The following DOK6 variants were observed in gnomAD, a reference collection of about 807,000 sequenced individuals.
The protein encoded by DOK6 is downstream of tyrosine kinase 6.
Under a neutral mutation model 44.0 loss-of-function variants are expected in DOK6, and 22 were observed. The observed-to-expected ratio is 0.50, with a 90% CI of 0.36 to 0.71. The LOEUF is 0.71. Among genes scored for constraint, DOK6 ranks in the 30% least tolerant of loss-of-function variants. The probability of loss-of-function intolerance (pLI) is 0.00; values close to 1 mark genes in which losing one functional copy is unlikely to be tolerated. For synonymous variants in DOK6, 166 were observed against 145.5 expected, an observed-to-expected ratio of 1.14 and a Z score of -1.01; for missense variants, 340 against 416.4, an observed-to-expected ratio of 0.82 and a Z score of 1.60.
chr18:69,466,634 T>C (rs1355346025), intron 1 of DOK6, among the ~76,000 whole-genome samples: 4 of 152,132 alleles, frequency 2.6e-5, no homozygotes, highest in African/African-American at 2.4e-5. Context: ...TATTTTTGTC[T>C]TTGAAAAATT....
chr18:69,709,981 C>T (rs1179328371), intron 5 of DOK6, among the ~76,000 whole-genome samples: 1 of 152,118 alleles, frequency 6.6e-6, no homozygotes, highest in African/African-American at 2.4e-5. Flanking sequence ...AGTTCAAGAG[C>T]AGACTTGGCA....
At chr18:69,815,944 A>C (rs915780996) in intron 7 of DOK6, among the ~76,000 whole-genome samples, 13 of 152,158 alleles carry the variant, frequency 8.5e-5, no homozygotes, top group Non-Finnish European at 1.6e-4. Context: ...TGCACTGTCT[A>C]TCCTACATTT....
At chr18:69,708,090 A>C (rs942750530) in intron 5 of DOK6, among the ~76,000 whole-genome samples, 1 of 152,180 alleles carries the variant, frequency 6.6e-6, no homozygotes, top group Non-Finnish European at 1.5e-5. Flanking sequence ...GATAAAGCTC[A>C]AAACCAGGAG....
chr18:69,689,374 T>C (rs1376881081), intron 4 of DOK6, among the ~76,000 whole-genome samples: 1 of 152,158 alleles, frequency 6.6e-6, no homozygotes, highest in Non-Finnish European at 1.5e-5. Context: ...TTAAAGAAAA[T>C]TGTTTTCTAA....
At chr18:69,756,926 T>G (rs1979373433) in intron 6 of DOK6, among the ~76,000 whole-genome samples, 1 of 152,242 alleles carries the variant, frequency 6.6e-6, no homozygotes, top group Admixed American at 6.5e-5. Context: ...TTTCCTCAGG[T>G]TGGGTCAGAG....
intron 6 of DOK6, among the ~76,000 whole-genome samples, chr18:69,749,769 T>C (rs1979109214): frequency 6.6e-6 from 1 of 151,798 alleles, no homozygotes; most frequent in South Asian, 2.1e-4. Context: ...TGAAACCCTG[T>C]CTCTTCTAAA....
chr18:69,729,138 A>G (rs934544472), intron 5 of DOK6, among the ~76,000 whole-genome samples: 1 of 151,910 alleles, frequency 6.6e-6, no homozygotes, highest in Non-Finnish European at 1.5e-5. Context: ...ATAAACACAT[A>G]TATATAATAT....
At chr18:69,674,125 T>G (rs1441762298) in intron 3 of DOK6, among the ~76,000 whole-genome samples, 7 of 152,020 alleles carry the variant, frequency 4.6e-5, no homozygotes, top group Non-Finnish European at 7.4e-5. Flanking sequence ...TAACATGCAA[T>G]GAAAGATTAA....
intron 1 of DOK6, among the ~76,000 whole-genome samples, chr18:69,558,970 A>T (rs936016778): frequency 6.6e-6 from 1 of 152,008 alleles, no homozygotes; most frequent in Non-Finnish European, 1.5e-5. Context: ...ATAAACCTAA[A>T]CTTATTCCAA....
intron 7 of DOK6, among the ~76,000 whole-genome samples, chr18:69,778,230 G>T (rs112520903): frequency 6.6e-6 from 1 of 152,094 alleles, no homozygotes; most frequent in Admixed American, 6.6e-5. Flanking sequence ...ATAAATACAA[G>T]ATGTATATAA....
At chr18:69,698,267 A>T in intron 4 of DOK6, 137 bp from the exon 5 acceptor site, 1 of 690,984 alleles carries the variant, frequency 1.4e-6, no homozygotes, top group Non-Finnish European at 2.3e-6. Flanking sequence ...GTCATGTTCT[A>T]CAATGTTTAT....
intron 1 of DOK6, among the ~76,000 whole-genome samples, chr18:69,447,767 C>T (rs1254652163): frequency 6.6e-6 from 1 of 152,152 alleles, no homozygotes; most frequent in Non-Finnish European, 1.5e-5. Context: ...TAGCCCTGGG[C>T]ATGTAATTAG....
At position 69,625,427 on chromosome 18, in the gene DOK6, A is replaced by G. The variant is rs57485434; in HGVS notation, c.289+25929A>G. On this transcript the variant is annotated intron_variant, in intron 3 of 7. Coordinates refer to ENST00000382713, the MANE Select transcript of DOK6 (RefSeq NM_152721.6). ...TTGGTTGAGACTTCTGCTTTTAAAGATATGTTTTACTGTAGCCCATACACA... is the reference window on the plus strand; with the variant it reads ...TTGGTTGAGACTTCTGCTTTTAAAGGTATGTTTTACTGTAGCCCATACACA... Among the ~76,000 whole-genome samples, 264 of 152,232 alleles carry G rather than the reference A, an allele frequency of 1.7e-3. 1 individual carries two copies. Among genetic ancestry groups the G allele is most frequent in the African/African-American group, 6.1e-3 (253 of 41,548 alleles).
At chr18:69,524,628 C>T (rs559386178) in intron 1 of DOK6, among the ~76,000 whole-genome samples, 11 of 152,040 alleles carry the variant, frequency 7.2e-5, no homozygotes, top group African/African-American at 2.6e-4. Flanking sequence ...CCATTCCGAA[C>T]ATTAGTTCTT....
At chr18:69,578,662 A>G (rs1197836918) in intron 2 of DOK6, among the ~76,000 whole-genome samples, 1 of 152,204 alleles carries the variant, frequency 6.6e-6, no homozygotes, top group Non-Finnish European at 1.5e-5. Context: ...CTCCCTTTTT[A>G]ATCTATCACC....
At chr18:69,605,649 T>C (rs1277956273) in intron 3 of DOK6, among the ~76,000 whole-genome samples, 2 of 152,128 alleles carry the variant, frequency 1.3e-5, no homozygotes, top group Admixed American at 6.5e-5. Context: ...AAAAATTATA[T>C]TATTATATTG....
At chr18:69,811,552 A>AAACAC (rs1568133112) in intron 7 of DOK6, among the ~76,000 whole-genome samples, 5 of 27,474 alleles carry the variant, frequency 1.8e-4, no homozygotes, top group Non-Finnish European at 8.6e-4. Context: ...ATATATATAT[A>AAACAC]TATATATATA....
chr18:69,654,944 G>C (rs151323432), intron 3 of DOK6, among the ~76,000 whole-genome samples: 1 of 152,258 alleles, frequency 6.6e-6, no homozygotes, highest in Non-Finnish European at 1.5e-5. Flanking sequence ...TGTAGTCTCA[G>C]CTACTCTGGA....
At chr18:69,690,364 T>A (rs1423272638) in intron 4 of DOK6, among the ~76,000 whole-genome samples, 1 of 152,230 alleles carries the variant, frequency 6.6e-6, no homozygotes, top group Non-Finnish European at 1.5e-5. Context: ...TCACAATTTC[T>A]GAAGAGTTCT....
Sources: allele counts gnomAD v4.1 joint callset (sites outside exome capture counted in the v4.1 genomes callset), GRCh38; gene constraint gnomAD v4.1.1; transcripts MANE v1.5; gene names NCBI Gene and HGNC (gene_info 2026-07-23, HGNC 2026-07-21).